The following ALPK3 variants were observed in gnomAD, a reference collection of about 807,000 sequenced individuals.
ALPK3 encodes the protein alpha kinase 3.
In ALPK3, 102 loss-of-function variants were observed where a neutral mutation model predicts 140.0. The ratio of observed to expected loss-of-function variants is 0.73; its 90% confidence interval spans 0.62 to 0.86. The LOEUF is 0.86. ALPK3 is among the 40% of genes least tolerant of loss of function. The pLI is 0.00. For synonymous variants in ALPK3, 938 were observed against 898.5 expected, an observed-to-expected ratio of 1.04 and a Z score of -0.79; for missense variants, 2,254 against 2,208.2, an observed-to-expected ratio of 1.02 and a Z score of -0.42.
rs3803405 is a variant in ALPK3 at position 84,840,409 on chromosome 15, G to A, written c.1130G>A (p.Gly377Glu). 0.24 allele frequency: 395,154 copies of A among 1,613,600 alleles called. 51,792 individuals carry two copies. The highest frequency in any genetic ancestry group is 0.38 in the Middle Eastern group (2,296 of 6,056). The change falls in exon 5 of 14, where the codon GGG (glycine) becomes GAG (glutamate). Residue 377 changes from glycine to glutamate, a missense_variant. Around this residue, in one of 3 missense-constraint regions of ALPK3, gnomAD observed 2,088 missense variants for 2,022.9 expected, o/e 1.03. Transcript: ENST00000258888. ...QTQPRGRAAR[G>E]PGSSGTDSTR... ...CAGCCCAGAGGCAGGGCTGCACGGG[G>A]GCCTGGGTCCTCTGGCACAGATAGT...
chr15:84,834,771 G>A lies in ALPK3; in HGVS notation c.305-4209G>A, dbSNP rs140776925. ...GCCACAGGCTCAAGTGCCGCCATGG[G>A]CTGTCCTGGCCAGGGCCAGAAGTGT... On this transcript the variant is annotated intron_variant, in intron 3 of 13. Transcript: ENST00000258888. Among the ~76,000 whole-genome samples the A allele has an allele frequency of 8.7e-4, 133 of 152,370 alleles. 1 individual carries two copies. The highest frequency in any genetic ancestry group is 3.1e-3 in the African/African-American group (128 of 41,592).
intron 5 of ALPK3, among the ~76,000 whole-genome samples, chr15:84,846,771 A>T (rs1963735654): frequency 6.6e-6 from 1 of 152,132 alleles, no homozygotes; most frequent in Non-Finnish European, 1.5e-5. Context: ...TATTTTTTTG[A>T]GACAGAGTTT....
At chr15:84,838,852 C>A in intron 3 of ALPK3, 128 bp from the exon 4 acceptor site, 2 of 694,604 alleles carry the variant, frequency 2.9e-6, no homozygotes, top group East Asian at 5.7e-5. Flanking sequence ...AAACTCCTGA[C>A]CTCAGGTGAT....
intron 6 of ALPK3, among the ~76,000 whole-genome samples, chr15:84,859,002 C>G (rs1032738612): frequency 2.0e-5 from 3 of 152,166 alleles, no homozygotes; most frequent in Admixed American, 1.3e-4. Context: ...CAGCTGGGAG[C>G]CCCTCCCAGC....
intron 3 of ALPK3, among the ~76,000 whole-genome samples, chr15:84,833,659 G>A (rs1963567863): frequency 6.6e-6 from 1 of 152,240 alleles, no homozygotes. Flanking sequence ...CTGTCAGGCA[G>A]AGGTGATGCT....
chr15:84,828,079 A>G (rs1011229910), intron 3 of ALPK3, among the ~76,000 whole-genome samples: 4 of 152,126 alleles, frequency 2.6e-5, no homozygotes, highest in Non-Finnish European at 5.9e-5. Context: ...CCCCTTTCCA[A>G]TGATGTTACT....
Position 84,856,884 on chromosome 15 carries a change from G to A in ALPK3, c.2146G>A (p.Ala716Thr), listed in dbSNP as rs201330184. ...GAAGGGGACGCAGTCAGAGGGGAGC[G>A]CGCCCACAGCCATGGAAGGTCAGTC... ...GEKGTQSEGS[A>T]PTAMEGQSEQ... Residue 716 changes from alanine to threonine, a missense_variant, in exon 6 of 14, where the codon GCG (alanine) becomes ACG (threonine). Coordinates refer to ENST00000258888, the MANE Select transcript of ALPK3 (RefSeq NM_020778.5). 175 of 1,613,948 alleles carry A rather than the reference G, an allele frequency of 1.1e-4. No homozygotes were observed. The highest frequency in any genetic ancestry group is 2.4e-4 in the African/African-American group (18 of 74,988).
Position 84,840,265 on chromosome 15 carries a change from A to G in ALPK3, c.986A>G (p.Lys329Arg). ...GAGGAATCCAAGCAAGGCCTGCGGAAGCCAGAGTTAGAGAAGGCAGCCCAA... is the reference window on the plus strand; with the variant it reads ...GAGGAATCCAAGCAAGGCCTGCGGAGGCCAGAGTTAGAGAAGGCAGCCCAA... ...KDEESKQGLR[K>R]PELEKAAQSR... Residue 329 changes from lysine (K) to arginine (R), a missense_variant, in exon 5 of 14, where the codon AAG becomes AGG. By Grantham distance (26) the Lys-to-Arg change is conservative. Coordinates refer to ENST00000258888, the MANE Select transcript of ALPK3 (RefSeq NM_020778.5). 1 of 1,613,912 alleles carries G rather than the reference A, an allele frequency of 6.2e-7. No homozygotes were observed. The highest frequency in any genetic ancestry group is 8.5e-7 in the Non-Finnish European group (1 of 1,180,022).
In ALPK3 at chr15:84,857,898, G is replaced by T. The variant is rs1202046866; in HGVS notation, c.3160G>T (p.Ala1054Ser). 6.2e-7 allele frequency: 1 copy of T among 1,612,064 alleles called. No homozygotes were observed. The highest frequency in any genetic ancestry group is 8.5e-7 in the Non-Finnish European group (1 of 1,179,490). ...CCGTGAGGTGCAGGCTGGCCGCCAG[G>T]CCCTTGCTGCTGCCCGAGGCTCCTG... ...LDREVQAGRQ[A>S]LAAARGSWGP... The change falls in exon 6 of 14, where the codon GCC becomes TCC. Residue 1054 changes from alanine (A) to serine (S), a missense_variant. Ala to Ser is a moderately conservative substitution (Grantham distance 99, BLOSUM62 1). Around this residue, in one of 3 missense-constraint regions of ALPK3, gnomAD observed 2,088 missense variants for 2,022.9 expected, o/e 1.03. Coordinates refer to ENST00000258888, the MANE Select transcript of ALPK3 (RefSeq NM_020778.5).
chr15:84,824,018 G>A (rs1318247909), intron 2 of ALPK3, among the ~76,000 whole-genome samples: 1 of 152,170 alleles, frequency 6.6e-6, no homozygotes, highest in South Asian at 2.1e-4. Flanking sequence ...CCCAATTCTA[G>A]GTTTTCATGT....
chr15:84,852,796 G>A (rs1000437369), intron 5 of ALPK3, among the ~76,000 whole-genome samples: 1 of 152,220 alleles, frequency 6.6e-6, no homozygotes, highest in Admixed American at 6.5e-5. Flanking sequence ...GTGATGATAA[G>A]CCATTGAAAG....
chr15:84,855,549 C>T (rs1963851645), intron 5 of ALPK3, among the ~76,000 whole-genome samples: 1 of 152,184 alleles, frequency 6.6e-6, no homozygotes, highest in Admixed American at 6.5e-5. Context: ...CCATGTTTGA[C>T]AGGAAGTCCT....
intron 13 of ALPK3, 80 bp from the exon 14 acceptor site, chr15:84,868,031 A>C (rs1378860546): frequency 1.9e-5 from 27 of 1,413,210 alleles, no homozygotes; most frequent in South Asian, 1.0e-4. Flanking sequence ...CATCCTGATG[A>C]TGGCCACCCC....
chr15:84,827,525 C>T lies in ALPK3; in HGVS notation c.224C>T (p.Thr75Ile). Residue 75 changes from threonine (T) to isoleucine (I), a missense_variant, in exon 3 of 14, where the codon ACC becomes ATC. Physicochemically the swap from Thr to Ile is moderately conservative, Grantham distance 89. Coordinates refer to ENST00000258888, the MANE Select transcript of ALPK3 (RefSeq NM_020778.5). ...ATCATTGCTCAGCTCACAGAGGAGA[C>T]CCAGCCGCTATTTGAGACCACGCTC... The part of the protein sequence containing the change: ...CSIIAQLTEE[T>I]QPLFETTLKS... 6.2e-7 allele frequency: 1 copy of T among 1,614,202 alleles called. No homozygotes were observed.
At chr15:84,833,115 T>C (rs1274976833) in intron 3 of ALPK3, among the ~76,000 whole-genome samples, 1 of 152,234 alleles carries the variant, frequency 6.6e-6, no homozygotes, top group Non-Finnish European at 1.5e-5. Flanking sequence ...TATGGTTGTA[T>C]ATCACACAAC....
chr15:84,867,952 C>T (rs916192145), intron 13 of ALPK3, among the ~76,000 whole-genome samples, 159 bp from the exon 14 acceptor site: 3 of 152,070 alleles, frequency 2.0e-5, no homozygotes, highest in Non-Finnish European at 2.9e-5. Context: ...TTGGCTGCTG[C>T]CACCTGAGGT....
Position 84,859,288 on chromosome 15 carries a change from C to T in ALPK3, c.3863C>T (p.Ala1288Val), listed in dbSNP as rs761697260. 14 of 1,614,048 alleles carry T rather than the reference C, an allele frequency of 8.7e-6. No homozygotes were observed. The Admixed American group carries it at 1.2e-4, about 13-fold the overall frequency. Residue 1288 changes from alanine to valine, a missense_variant, in exon 7 of 14, where the codon GCC becomes GTC. Coordinates refer to ENST00000258888, the MANE Select transcript of ALPK3 (RefSeq NM_020778.5). ...ATTCGGGTGGAGCAGTTTCCTGATG[C>T]CTCCGGTAGCCTGAAGCTGTGGTGC... ...RKIRVEQFPD[A>V]SGSLKLWCQF...
intron 5 of ALPK3, among the ~76,000 whole-genome samples, chr15:84,843,168 C>G (rs540778641): frequency 5.3e-5 from 8 of 152,292 alleles, no homozygotes; most frequent in Admixed American, 5.2e-4. Flanking sequence ...ACTGCTCCAA[C>G]AAAAACCTCA....
At chr15:84,836,088 T>C (rs932202633) in intron 3 of ALPK3, among the ~76,000 whole-genome samples, 4 of 152,364 alleles carry the variant, frequency 2.6e-5, no homozygotes, top group African/African-American at 9.6e-5. Flanking sequence ...ACAGCATTGC[T>C]GCTTTACACG....
Sources: allele counts gnomAD v4.1 joint callset (sites outside exome capture counted in the v4.1 genomes callset), GRCh38; gene constraint gnomAD v4.1.1; regional missense constraint gnomAD v4.1.1; transcripts MANE v1.5; gene names NCBI Gene and HGNC (gene_info 2026-07-23, HGNC 2026-07-21).